Variants in CALN1 observed in about 807,000 individuals in gnomAD.
CALN1 encodes calneuron 1, also known as calcium-binding protein 8.
Under a neutral mutation model 30.6 loss-of-function variants are expected in CALN1, and 17 were observed. That is an observed-to-expected ratio of 0.56 (90% CI 0.38 to 0.83). The LOEUF is 0.83. CALN1 is among the 40% of genes least tolerant of loss of function. CALN1 has a pLI of 0.00. For missense variants in CALN1, 291 were observed against 354.9 expected, an observed-to-expected ratio of 0.82 and a Z score of 1.45; for synonymous variants, 156 against 131.4, an observed-to-expected ratio of 1.19 and a Z score of -1.28.
intron 3 of CALN1, among the ~76,000 whole-genome samples, chr7:72,189,962 C>T (rs1187953833): frequency 6.6e-6 from 1 of 152,000 alleles, no homozygotes. Flanking sequence ...CCTGTATCAG[C>T]GTTTTTTACT....
chr7:72,013,706 G>T (rs1349674080), intron 5 of CALN1, among the ~76,000 whole-genome samples: 1 of 151,842 alleles, frequency 6.6e-6, no homozygotes, highest in Non-Finnish European at 1.5e-5. Context: ...ATAAATGGAT[G>T]CATAATAGAT....
chr7:71,827,771 T>TAAAAAAAAAAAAAAA (rs1554347602), intron 5 of CALN1, among the ~76,000 whole-genome samples: 7 of 96,930 alleles, frequency 7.2e-5, no homozygotes, highest in African/African-American at 1.7e-4. Flanking sequence ...GACTCCATCT[T>TAAAAAAAAAAAAAAA]AAAAAAATAA....
chr7:72,044,598 A>ATTTTTTTTTT (rs1563005478), intron 4 of CALN1, among the ~76,000 whole-genome samples: 19 of 114,438 alleles, frequency 1.7e-4, no homozygotes, highest in African/African-American at 6.2e-4. Context: ...TCCGCTTAAA[A>ATTTTTTTTTT]CTTTTTTTTT....
intron 4 of CALN1, among the ~76,000 whole-genome samples, chr7:72,090,525 AAAT>A (rs1472262054): frequency 6.6e-6 from 1 of 152,160 alleles, no homozygotes; most frequent in Non-Finnish European, 1.5e-5. Flanking sequence ...CTTAATTATT[AAAT>A]AATAAAGAAT....
chr7:72,246,473 C>T (rs1795163934), intron 3 of CALN1, among the ~76,000 whole-genome samples: 1 of 152,134 alleles, frequency 6.6e-6, no homozygotes, highest in African/African-American at 2.4e-5. Context: ...TGTCCTGCCC[C>T]CAGTGTCACC....
At chr7:72,049,182 A>C (rs951189070) in intron 4 of CALN1, among the ~76,000 whole-genome samples, 2 of 152,184 alleles carry the variant, frequency 1.3e-5, no homozygotes, top group Admixed American at 6.5e-5. Context: ...AGCAACAGCC[A>C]CAGCACAGAT....
At chr7:72,442,307 C>T (rs963967984) in intron 1 of CALN1, among the ~76,000 whole-genome samples, 1 of 152,202 alleles carries the variant, frequency 6.6e-6, no homozygotes, top group Non-Finnish European at 1.5e-5. Context: ...CAGAGCCCAG[C>T]GCTGGCTCCC....
chr7:71,946,362 TCTTTC>T (rs1378812618), intron 5 of CALN1, among the ~76,000 whole-genome samples: 18 of 142,458 alleles, frequency 1.3e-4, no homozygotes, highest in Admixed American at 1.0e-3. Flanking sequence ...TCCATTTCTT[TCTTTC>T]TTTTTTTTTT....
chr7:72,179,422 G>C (rs1011225779), intron 3 of CALN1, among the ~76,000 whole-genome samples: 3 of 152,154 alleles, frequency 2.0e-5, no homozygotes, highest in Non-Finnish European at 2.9e-5. Context: ...TAAGGCAAGT[G>C]TCACTAAACA....
At chr7:72,273,392 A>G (rs1797124300) in intron 3 of CALN1, among the ~76,000 whole-genome samples, 1 of 135,872 alleles carries the variant, frequency 7.4e-6, no homozygotes, top group South Asian at 3.0e-4. Context: ...ACTGCACTCC[A>G]GCCTGGGCAA....
At chr7:72,384,798 G>GA (rs111376276) in intron 2 of CALN1, among the ~76,000 whole-genome samples, 2,782 of 150,920 alleles carry the variant, frequency 0.018, 105 homozygotes, top group African/African-American at 0.063. Context: ...ATCCCTGAAA[G>GA]AAAAAAAAAT....
At chr7:71,910,051 T>C (rs964513151) in intron 5 of CALN1, among the ~76,000 whole-genome samples, 11 of 147,338 alleles carry the variant, frequency 7.5e-5, no homozygotes, top group African/African-American at 2.7e-4. Flanking sequence ...TATAAAACCA[T>C]CAGATCTCAA....
intron 2 of CALN1, among the ~76,000 whole-genome samples, chr7:72,312,996 G>C (rs777043968): frequency 6.6e-6 from 1 of 151,948 alleles, no homozygotes; most frequent in Non-Finnish European, 1.5e-5. Flanking sequence ...CACCATACCC[G>C]GCTAATTTTT....
At chr7:72,274,568 T>G (rs1585328986) in intron 3 of CALN1, among the ~76,000 whole-genome samples, 1 of 152,210 alleles carries the variant, frequency 6.6e-6, no homozygotes, top group Non-Finnish European at 1.5e-5. Flanking sequence ...AAAACTATTC[T>G]TCAACAATCA....
intron 3 of CALN1, among the ~76,000 whole-genome samples, chr7:72,271,575 A>AAAAAAAAAAAAATATATATATAGATAT: frequency 1.9e-5 from 1 of 52,132 alleles, no homozygotes; most frequent in Admixed American, 2.0e-4. Flanking sequence ...AAAAAAAAAA[A>AAAAAAAAAAAAATATATATATAGATAT]ATATATATAT....
chr7:72,022,562 T>C (rs1194811699), intron 5 of CALN1, among the ~76,000 whole-genome samples: 1 of 152,142 alleles, frequency 6.6e-6, no homozygotes, highest in Non-Finnish European at 1.5e-5. Context: ...TTGGCTAATT[T>C]TAAAAATTGT....
chr7:71,811,197 T>C (rs1302418759), intron 5 of CALN1, among the ~76,000 whole-genome samples: 1 of 151,842 alleles, frequency 6.6e-6, no homozygotes, highest in Non-Finnish European at 1.5e-5. Flanking sequence ...ACGCCCGGCC[T>C]AATTATGTAT....
the CALN1 span, among the ~76,000 whole-genome samples, chr7:72,497,541 G>C: frequency 6.6e-6 from 1 of 152,156 alleles, no homozygotes; most frequent in Admixed American, 6.5e-5. Flanking sequence ...CTCCTCAAAG[G>C]GCCATGCCCT....
At chr7:71,980,075 A>C (rs1798313214) in intron 5 of CALN1, among the ~76,000 whole-genome samples, 1 of 149,622 alleles carries the variant, frequency 6.7e-6, no homozygotes, top group Non-Finnish European at 1.5e-5. Flanking sequence ...ACAGGTTTTT[A>C]CCATGTTGGC....
Sources: gnomAD v4.1 joint callset for allele counts (sites outside exome capture counted in the v4.1 genomes callset) on GRCh38, gnomAD v4.1.1 for gene constraint, MANE v1.5 for transcripts, NCBI Gene and HGNC (gene_info 2026-07-23, HGNC 2026-07-21) for gene names.